ROR1: variants seen among roughly 807,000 people sequenced by gnomAD.
ROR1 encodes the protein inactive tyrosine-protein kinase transmembrane receptor ROR1.
ROR1 carries 19 observed loss-of-function variants against 78.8 expected under a neutral mutation model. The observed-to-expected ratio is 0.24, with a 90% CI of 0.17 to 0.35. The LOEUF (loss-of-function observed/expected upper bound fraction) is 0.35, where lower values mean the gene tolerates loss of function less well. Among genes scored for constraint, ROR1 ranks in the 10% least tolerant of loss-of-function variants. ROR1 has a pLI of 1.00. For missense variants in ROR1, 917 were observed against 1,177.8 expected (o/e 0.78, Z 3.24); for synonymous variants, 386 against 433.6 (o/e 0.89, Z 1.36).
intron 4 of ROR1, among the ~76,000 whole-genome samples, chr1:64,121,231 C>CTCCTTCCTTCCT (rs71056022): frequency 7.2e-6 from 1 of 138,616 alleles, no homozygotes; most frequent in Non-Finnish European, 1.5e-5. Context: ...TCCTCCTTTC[C>CTCCTTCCTTCCT]TCCTTCCTTC....
At chr1:64,044,309 A>G (rs1646767432) in intron 2 of ROR1, among the ~76,000 whole-genome samples, 1 of 152,154 alleles carries the variant, frequency 6.6e-6, no homozygotes, top group South Asian at 2.1e-4. Flanking sequence ...TTTGCCTTTT[A>G]TTAGCTGTGA....
At chr1:64,145,467 C>T (rs999035963) in intron 7 of ROR1, among the ~76,000 whole-genome samples, 3 of 152,168 alleles carry the variant, frequency 2.0e-5, no homozygotes, top group Admixed American at 2.0e-4. Context: ...GAAAGTTGAA[C>T]ACAACAAATT....
At chr1:63,929,032 G>A (rs576552541) in intron 1 of ROR1, among the ~76,000 whole-genome samples, 9 of 152,304 alleles carry the variant, frequency 5.9e-5, no homozygotes, top group Admixed American at 2.0e-4. Flanking sequence ...TTAAAGAGCC[G>A]TTACAGTTTA....
chr1:63,943,093 TAAAA>T lies in ROR1; in HGVS notation c.92-66191_92-66188del, dbSNP rs56230309. On this transcript the variant is annotated intron_variant, in intron 1 of 8. Transcript: ENST00000371079. ...GAGCAACAGAGCAAAACCCTGTCTTTAAAAAAAAAAAAAAAAAAAAAAAAGATTA... is the reference window on the plus strand; with the variant it reads ...GAGCAACAGAGCAAAACCCTGTCTTTAAAAAAAAAAAAAAAAAAAAGATTA... 4.1e-3 allele frequency among the ~76,000 whole-genome samples: 473 copies of T among 114,980 alleles called. 1 individual carries two copies. The highest frequency in any genetic ancestry group is 0.015 in the South Asian group (51 of 3,350). The allele number at this position is 114,980 out of a possible 152,430, so 75.4% of individuals were successfully genotyped here.
intron 1 of ROR1, among the ~76,000 whole-genome samples, chr1:63,881,459 T>C (rs755907626): frequency 6.6e-6 from 1 of 152,152 alleles, no homozygotes; most frequent in Non-Finnish European, 1.5e-5. Flanking sequence ...ACATGAGGGC[T>C]ATGGACACCA....
intron 1 of ROR1, among the ~76,000 whole-genome samples, chr1:63,929,026 A>G (rs1645730638): frequency 6.6e-6 from 1 of 152,236 alleles, no homozygotes; most frequent in South Asian, 2.1e-4. Context: ...TAGTATTTAA[A>G]GAGCCGTTAC....
intron 1 of ROR1, among the ~76,000 whole-genome samples, chr1:63,911,584 C>G (rs539163809): frequency 6.0e-4 from 91 of 152,136 alleles, no homozygotes; most frequent in Admixed American, 2.1e-3. Flanking sequence ...CCATCCCCCC[C>G]ACCCCCAACC....
intron 4 of ROR1, among the ~76,000 whole-genome samples, chr1:64,119,758 A>G (rs1221619235): frequency 6.6e-6 from 1 of 152,116 alleles, no homozygotes; most frequent in East Asian, 1.9e-4. Context: ...ACAGCCATGT[A>G]AGGTGTAGGT....
intron 4 of ROR1, among the ~76,000 whole-genome samples, chr1:64,080,675 C>A (rs1186886022): frequency 6.6e-6 from 1 of 152,202 alleles, no homozygotes; most frequent in Non-Finnish European, 1.5e-5. Flanking sequence ...CCACAGCTTG[C>A]AGAGAAAAAA....
intron 1 of ROR1, among the ~76,000 whole-genome samples, chr1:63,999,976 T>A (rs1646369394): frequency 6.6e-6 from 1 of 152,156 alleles, no homozygotes; most frequent in Admixed American, 6.6e-5. Context: ...TTCTTTTGAG[T>A]GGCATGTGAC....
At chr1:64,162,347 C>G (rs545893771) in intron 8 of ROR1, among the ~76,000 whole-genome samples, 1 of 152,272 alleles carries the variant, frequency 6.6e-6, no homozygotes, top group Admixed American at 6.5e-5. Flanking sequence ...GAAACTGATA[C>G]CCTTGAGAGA....
rs535867406 is a variant in ROR1 at position 63,803,346 on chromosome 1, A to AT, written c.91+28853dup. Among the ~76,000 whole-genome samples, 358 of 145,450 alleles carry AT rather than the reference A, an allele frequency of 2.5e-3. 1 individual carries two copies. Among genetic ancestry groups the AT allele is most frequent in the Admixed American group, 2.9e-3 (42 of 14,502 alleles). On this transcript the variant is annotated intron_variant, in intron 1 of 8. Coordinates refer to ENST00000371079, the MANE Select transcript of ROR1 (RefSeq NM_005012.4). The stretch of plus-strand genomic sequence containing the variant: ...ATGTATTTAGAAAACTCTCCATCAA[A>AT]TTTTTTTTTTTTTTTGAGATGGACT...
At chr1:63,962,984 G>A (rs933269399) in intron 1 of ROR1, among the ~76,000 whole-genome samples, 29 of 152,128 alleles carry the variant, frequency 1.9e-4, no homozygotes, top group African/African-American at 6.7e-4. Flanking sequence ...GGAGAAGAAG[G>A]GACAGATATG....
intron 1 of ROR1, among the ~76,000 whole-genome samples, chr1:63,941,020 G>A (rs1645834725): frequency 6.6e-6 from 1 of 152,150 alleles, no homozygotes; most frequent in African/African-American, 2.4e-5. Context: ...CATAATAACT[G>A]TCCTGTATTT....
intron 1 of ROR1, among the ~76,000 whole-genome samples, chr1:63,798,817 G>GAGACT (rs1644778227): frequency 6.6e-6 from 1 of 151,866 alleles, no homozygotes; most frequent in Non-Finnish European, 1.5e-5. Flanking sequence ...TGAGGCAACT[G>GAGACT]AGACTCAGAA....
At chr1:64,164,818 T>G (rs1291603895) in intron 8 of ROR1, among the ~76,000 whole-genome samples, 1 of 152,186 alleles carries the variant, frequency 6.6e-6, no homozygotes, top group Non-Finnish European at 1.5e-5. Context: ...GAACAACATT[T>G]AGCTCTCACT....
At chr1:63,898,425 A>G (rs1645458177) in intron 1 of ROR1, among the ~76,000 whole-genome samples, 2 of 151,946 alleles carry the variant, frequency 1.3e-5, no homozygotes, top group South Asian at 4.1e-4. Flanking sequence ...TAAAAGAAGA[A>G]GAAACCATTT....
intron 2 of ROR1, among the ~76,000 whole-genome samples, chr1:64,012,003 G>A (rs17125986): frequency 0.013 from 1,989 of 152,282 alleles, 42 homozygotes; most frequent in African/African-American, 0.046. Context: ...ATCACAGAGA[G>A]ATACTAGTGA....
At chr1:64,138,067 T>C in intron 5 of ROR1, among the ~76,000 whole-genome samples, 1 of 152,248 alleles carries the variant, frequency 6.6e-6, no homozygotes, top group South Asian at 2.1e-4. Flanking sequence ...GAAAGTATCC[T>C]TTTGATAGAA....
Sources: gnomAD v4.1 joint callset for allele counts (sites outside exome capture counted in the v4.1 genomes callset) on GRCh38, gnomAD v4.1.1 for gene constraint, MANE v1.5 for transcripts, NCBI Gene and HGNC (gene_info 2026-07-23, HGNC 2026-07-21) for gene names.